FIGN: variants seen among roughly 807,000 people sequenced by gnomAD.
The protein encoded by FIGN is fidgetin.
Under a neutral mutation model 51.3 loss-of-function variants are expected in FIGN, and 11 were observed. The ratio of observed to expected loss-of-function variants is 0.21; its 90% CI spans 0.13 to 0.35. The LOEUF is 0.35. Ranked by LOEUF, FIGN falls within the 10% of genes least tolerant of loss-of-function variation. FIGN has a pLI of 1.00. For missense variants in FIGN, 857 were observed against 943.6 expected, an observed-to-expected ratio of 0.91 and a Z score of 1.20; for synonymous variants, 407 against 363.2, an observed-to-expected ratio of 1.12 and a Z score of -1.37.
intron 2 of FIGN, among the ~76,000 whole-genome samples, chr2:163,619,733 A>G (rs1399614209): frequency 6.6e-6 from 1 of 152,164 alleles, no homozygotes. Context: ...TAGATTCACT[A>G]TATGATCAGG....
chr2:163,647,822 G>A (rs1683406249), intron 2 of FIGN, among the ~76,000 whole-genome samples: 1 of 152,142 alleles, frequency 6.6e-6, no homozygotes, highest in African/African-American at 2.4e-5. Context: ...GTATGTATGT[G>A]TAACTATATA....
intron 2 of FIGN, among the ~76,000 whole-genome samples, chr2:163,655,552 A>G (rs959521089): frequency 2.0e-5 from 3 of 152,158 alleles, no homozygotes; most frequent in African/African-American, 7.2e-5. Flanking sequence ...GTCACTAATC[A>G]TATCCTCTTC....
At chr2:163,701,756 C>T (rs1395326759) in intron 2 of FIGN, among the ~76,000 whole-genome samples, 2 of 152,118 alleles carry the variant, frequency 1.3e-5, no homozygotes, top group African/African-American at 4.8e-5. Context: ...TACAAATGTC[C>T]CCATTTTTAT....
At chr2:163,621,856 C>A (rs908103466) in intron 2 of FIGN, among the ~76,000 whole-genome samples, 3 of 152,102 alleles carry the variant, frequency 2.0e-5, no homozygotes, top group Non-Finnish European at 4.4e-5. Context: ...CATTTCCTTT[C>A]CTGGAGAGGG....
intron 2 of FIGN, among the ~76,000 whole-genome samples, chr2:163,617,621 G>C (rs1682901685): frequency 6.6e-6 from 1 of 152,092 alleles, no homozygotes; most frequent in Admixed American, 6.6e-5. Context: ...AGATTGTTGG[G>C]ATAGAAAGGG....
At chr2:163,626,122 CTG>C (rs1223840557) in intron 2 of FIGN, among the ~76,000 whole-genome samples, 1 of 152,130 alleles carries the variant, frequency 6.6e-6, no homozygotes, top group Non-Finnish European at 1.5e-5. Flanking sequence ...AGAACCAAGA[CTG>C]TCAAATTAAT....
At chr2:163,728,284 C>T (rs760191564) in intron 2 of FIGN, among the ~76,000 whole-genome samples, 4 of 151,756 alleles carry the variant, frequency 2.6e-5, no homozygotes, top group Non-Finnish European at 5.9e-5. Flanking sequence ...GTGCCTTAAC[C>T]GAGGAGGGAT....
At chr2:163,709,931 C>T (rs1306683268) in intron 2 of FIGN, among the ~76,000 whole-genome samples, 3 of 152,032 alleles carry the variant, frequency 2.0e-5, no homozygotes, top group East Asian at 1.9e-4. Flanking sequence ...TTAACATATC[C>T]TATCATATGA....
At chr2:163,697,108 T>TTG (rs1218701077) in intron 2 of FIGN, among the ~76,000 whole-genome samples, 1 of 145,896 alleles carries the variant, frequency 6.9e-6, no homozygotes, top group African/African-American at 2.5e-5. Context: ...TTCTTTCTTT[T>TTG]TTTTTTTTTT....
At chr2:163,615,575 G>A (rs1682862243) in intron 2 of FIGN, among the ~76,000 whole-genome samples, 1 of 152,146 alleles carries the variant, frequency 6.6e-6, no homozygotes, top group African/African-American at 2.4e-5. Context: ...TGCTTTGTTT[G>A]ACTGTATTGC....
intron 2 of FIGN, among the ~76,000 whole-genome samples, chr2:163,673,223 G>A (rs16848769): frequency 0.098 from 14,898 of 152,112 alleles, 787 homozygotes; most frequent in Admixed American, 0.12. Flanking sequence ...ACCTTGAGAT[G>A]TGGGATTCAT....
At chr2:163,622,668 C>G (rs889310947) in intron 2 of FIGN, among the ~76,000 whole-genome samples, 3 of 152,028 alleles carry the variant, frequency 2.0e-5, no homozygotes, top group Non-Finnish European at 2.9e-5. Flanking sequence ...CTCAAGTGAT[C>G]CTCCAGCTTC....
At chr2:163,669,658 T>C (rs529111973) in intron 2 of FIGN, among the ~76,000 whole-genome samples, 8 of 152,312 alleles carry the variant, frequency 5.3e-5, no homozygotes, top group African/African-American at 9.6e-5. Context: ...AATAAAACAA[T>C]TTCTTTTTAC....
In FIGN at chr2:163,611,289, T is replaced by C; in HGVS notation, c.543A>G (p.Pro181=). 9 of 1,614,090 alleles carry C rather than the reference T, an allele frequency of 5.6e-6. No individual in the cohort carries two copies. Among genetic ancestry groups the C allele is most frequent in the Non-Finnish European group, 7.6e-6 (9 of 1,180,006 alleles). ...TGTATCCTGGGGCATATTCCTGAGA[T>C]GGGAGCCCTGCATGAAGACTGGGTA... ...HTVPSLHAGL[P]SQEYAPGYNG... is the part of the protein sequence containing the mutation. The change falls in exon 3 of 3, where the codon CCA becomes CCG. Residue 181 remains proline (P), a synonymous_variant. Transcript: ENST00000333129.
chr2:163,681,279 C>G (rs1684057627), intron 2 of FIGN, among the ~76,000 whole-genome samples: 1 of 152,190 alleles, frequency 6.6e-6, no homozygotes, highest in East Asian at 1.9e-4. Context: ...CATTAAACTG[C>G]TTGCTTAATG....
At chr2:163,708,842 C>A (rs1262184896) in intron 2 of FIGN, among the ~76,000 whole-genome samples, 2 of 152,024 alleles carry the variant, frequency 1.3e-5, no homozygotes, top group Non-Finnish European at 2.9e-5. Flanking sequence ...TACTATACTA[C>A]CCCAAGTAAG....
intron 2 of FIGN, among the ~76,000 whole-genome samples, chr2:163,708,570 T>C (rs950268210): frequency 7.2e-5 from 11 of 152,208 alleles, no homozygotes; most frequent in Non-Finnish European, 1.0e-4. Flanking sequence ...AACTGAACTG[T>C]CATAAAAGAG....
chr2:163,612,884 C>T (rs1046891907), intron 2 of FIGN, among the ~76,000 whole-genome samples: 9 of 151,740 alleles, frequency 5.9e-5, no homozygotes, highest in Non-Finnish European at 1.2e-4. Flanking sequence ...TAGGAAACCA[C>T]GTAGGGCATA....
chr2:163,640,222 AG>A (rs1559005452), intron 2 of FIGN, among the ~76,000 whole-genome samples: 2 of 152,226 alleles, frequency 1.3e-5, no homozygotes, highest in Admixed American at 6.5e-5. Flanking sequence ...TGTTTAATCA[AG>A]TTAGATACAG....
Sources: allele counts gnomAD v4.1 joint callset (sites outside exome capture counted in the v4.1 genomes callset), GRCh38; gene constraint gnomAD v4.1.1; transcripts MANE v1.5; gene names NCBI Gene and HGNC (gene_info 2026-07-23, HGNC 2026-07-21).